SMYD3: variants seen among roughly 807,000 people sequenced by gnomAD.
SMYD3 encodes the protein histone-lysine N-methyltransferase SMYD3.
Under a neutral mutation model 57.7 loss-of-function variants are expected in SMYD3, and 36 were observed. The ratio of observed to expected loss-of-function variants is 0.62; its 90% CI spans 0.48 to 0.82. The LOEUF (loss-of-function observed/expected upper bound fraction) is 0.82, where lower values mean the gene tolerates loss of function less well. SMYD3 is among the 40% of genes least tolerant of loss of function. SMYD3 has a pLI of 0.00. For synonymous variants in SMYD3, 211 were observed against 195.0 expected (o/e 1.08, Z -0.68); for missense variants, 515 against 538.8 (o/e 0.96, Z 0.44).
chr1:245,794,317 C>T (rs750806469), intron 10 of SMYD3, among the ~76,000 whole-genome samples: 3 of 152,208 alleles, frequency 2.0e-5, no homozygotes, highest in Non-Finnish European at 4.4e-5. Flanking sequence ...ATCTTTATTT[C>T]ATTTTCACTT....
chr1:246,300,841 A>G (rs745402551), intron 5 of SMYD3, among the ~76,000 whole-genome samples: 40 of 152,184 alleles, frequency 2.6e-4, no homozygotes, highest in Non-Finnish European at 5.9e-5. Flanking sequence ...AAGCACATCA[A>G]GTTTGCTTTT....
chr1:246,411,146 G>GT (rs2066961533), intron 1 of SMYD3, among the ~76,000 whole-genome samples: 1 of 151,926 alleles, frequency 6.6e-6, no homozygotes, highest in African/African-American at 2.4e-5. Flanking sequence ...TTTTTGAAGG[G>GT]TTTTTTGTGT....
At chr1:245,884,791 A>ATGG (rs60714829) in intron 8 of SMYD3, among the ~76,000 whole-genome samples, 6 of 151,268 alleles carry the variant, frequency 4.0e-5, no homozygotes, top group Non-Finnish European at 7.4e-5. Flanking sequence ...AGGATTGTAA[A>ATGG]CGGACCAATC....
At chr1:246,059,780 C>T (rs1363289987) in intron 5 of SMYD3, among the ~76,000 whole-genome samples, 1 of 152,032 alleles carries the variant, frequency 6.6e-6, no homozygotes, top group South Asian at 2.1e-4. Context: ...AGAAATGTGC[C>T]CCTTGCTTGT....
chr1:246,265,587 G>A (rs892826902), intron 5 of SMYD3, among the ~76,000 whole-genome samples: 1 of 152,122 alleles, frequency 6.6e-6, no homozygotes, highest in Admixed American at 6.6e-5. Context: ...AGGGATGATA[G>A]CTATTGGGAT....
At chr1:245,798,099 T>TA (rs2047632854) in intron 10 of SMYD3, among the ~76,000 whole-genome samples, 3 of 97,382 alleles carry the variant, frequency 3.1e-5, no homozygotes, top group East Asian at 2.0e-4. Context: ...ATTTTTTTTT[T>TA]TAAAATATGC....
chr1:246,483,271 A>G (rs756634024), intron 1 of SMYD3, among the ~76,000 whole-genome samples: 3 of 152,200 alleles, frequency 2.0e-5, no homozygotes, highest in Non-Finnish European at 4.4e-5. Flanking sequence ...TTCTCATAAA[A>G]CATTCACATT....
chr1:246,328,656 T>C (rs2065399601), intron 4 of SMYD3, among the ~76,000 whole-genome samples: 1 of 151,794 alleles, frequency 6.6e-6, no homozygotes, highest in East Asian at 1.9e-4. Context: ...TTTTTTTTGA[T>C]GGTAAATATA....
intron 5 of SMYD3, among the ~76,000 whole-genome samples, chr1:245,999,982 T>C (rs1336880140): frequency 2.0e-5 from 3 of 152,210 alleles, no homozygotes; most frequent in Non-Finnish European, 2.9e-5. Flanking sequence ...GTTCCTCTTT[T>C]ATAAAATTGG....
At chr1:246,189,791 A>G (rs1369807108) in intron 5 of SMYD3, among the ~76,000 whole-genome samples, 1 of 152,186 alleles carries the variant, frequency 6.6e-6, no homozygotes, top group Non-Finnish European at 1.5e-5. Flanking sequence ...AAACTCCATC[A>G]TATGCTGCTT....
chr1:245,920,001 T>G lies in SMYD3; in HGVS notation c.703-4361A>C, dbSNP rs140533710. ...TCCATGAAACCATCTTTTCATTGTC[T>G]ACAACTGAGTGGATAAGATGAGCAA... On this transcript the variant is annotated intron_variant, in intron 7 of 11. Coordinates refer to ENST00000490107, the MANE Select transcript of SMYD3 (RefSeq NM_001167740.2). Among the ~76,000 whole-genome samples, 470 of 152,280 alleles carry G rather than the reference T, an allele frequency of 3.1e-3. 1 individual carries two copies. The highest frequency in any genetic ancestry group is 0.014 in the South Asian group (67 of 4,824).
At chr1:246,333,831 C>T (rs1048933091) in intron 3 of SMYD3, among the ~76,000 whole-genome samples, 5 of 151,960 alleles carry the variant, frequency 3.3e-5, no homozygotes, top group Admixed American at 6.6e-5. Context: ...GGCTGCAGTG[C>T]GCCATGATCA....
intron 3 of SMYD3, among the ~76,000 whole-genome samples, chr1:246,333,984 T>C: frequency 6.6e-6 from 1 of 152,010 alleles, no homozygotes; most frequent in East Asian, 1.9e-4. Flanking sequence ...TGCTCTACGT[T>C]ACTAATCATC....
intron 5 of SMYD3, among the ~76,000 whole-genome samples, chr1:245,988,107 AACACACACACACACACACAC>A (rs35432668): frequency 2.8e-4 from 42 of 148,686 alleles, no homozygotes; most frequent in Non-Finnish European, 5.5e-4. Context: ...AACCAAACCA[AACACACACACACACACACAC>A]ACACACACAC....
intron 8 of SMYD3, among the ~76,000 whole-genome samples, chr1:245,894,212 C>T (rs557109853): frequency 3.3e-5 from 5 of 152,124 alleles, no homozygotes; most frequent in African/African-American, 9.6e-5. Flanking sequence ...CACCAATCAG[C>T]GCTCTGTAGC....
At chr1:246,353,502 C>T (rs1044066709) in intron 2 of SMYD3, among the ~76,000 whole-genome samples, 1 of 152,052 alleles carries the variant, frequency 6.6e-6, no homozygotes, top group East Asian at 1.9e-4. Flanking sequence ...GCACTCCAGT[C>T]CAAGAGACAA....
intron 5 of SMYD3, among the ~76,000 whole-genome samples, chr1:246,239,782 T>G (rs1255674497): frequency 1.3e-5 from 2 of 152,136 alleles, no homozygotes; most frequent in African/African-American, 4.8e-5. Flanking sequence ...TGATCGCCAT[T>G]CTAACTGGTG....
intron 5 of SMYD3, among the ~76,000 whole-genome samples, chr1:246,064,858 CA>C (rs1327180421): frequency 6.6e-6 from 1 of 152,236 alleles, no homozygotes; most frequent in African/African-American, 2.4e-5. Context: ...TGGCTTTGTT[CA>C]AAAGCTAACA....
intron 5 of SMYD3, among the ~76,000 whole-genome samples, chr1:246,086,321 T>C (rs1572999374): frequency 6.6e-6 from 1 of 152,052 alleles, no homozygotes; most frequent in South Asian, 2.1e-4. Context: ...CTTTCTGTGA[T>C]AAATTTATAG....
Sources: gnomAD v4.1 joint callset for allele counts (sites outside exome capture counted in the v4.1 genomes callset) on GRCh38, gnomAD v4.1.1 for gene constraint, MANE v1.5 for transcripts, NCBI Gene and HGNC (gene_info 2026-07-23, HGNC 2026-07-21) for gene names.